Variants in CIROZ observed in about 807,000 individuals in gnomAD.
CIROZ encodes the protein ciliated left-right organizer protein containing ZP-N domains.
chr1:10,951,867 G>A, the CIROZ span, among the ~76,000 whole-genome samples: 1 of 151,082 alleles, frequency 6.6e-6, no homozygotes, highest in African/African-American at 2.4e-5. Context: ...TGTCCTATAG[G>A]TTCTAATTAC....
At chr1:10,980,289 C>T in the CIROZ span, among the ~76,000 whole-genome samples, 1 of 152,206 alleles carries the variant, frequency 6.6e-6, no homozygotes, top group African/African-American at 2.4e-5. Context: ...AGCCTGCAGC[C>T]TTTGAGCTGG....
the CIROZ span, chr1:10,949,091 G>GT: frequency 2.8e-6 from 1 of 353,246 alleles, no homozygotes; most frequent in South Asian, 9.4e-5. Context: ...AGGTGTGGTG[G>GT]CGTGGGCCTG....
chr1:10,949,423 G>A, the CIROZ span: 7 of 657,410 alleles, frequency 1.1e-5, no homozygotes, highest in East Asian at 1.7e-4. Context: ...GCCCTCAGGT[G>A]GGAGCTCTTG....
At chr1:10,947,249 C>T in the CIROZ span, among the ~76,000 whole-genome samples, 1 of 152,234 alleles carries the variant, frequency 6.6e-6, no homozygotes, top group African/African-American at 2.4e-5. Flanking sequence ...CTGCACCTCA[C>T]CCTGATGCTT....
chr1:10,965,500 G>T, the CIROZ span, among the ~76,000 whole-genome samples: 7,031 of 152,194 alleles, frequency 0.046, 282 homozygotes, highest in African/African-American at 0.11. Context: ...GAGGCGGGAG[G>T]ATGGCTTGAG....
chr1:10,976,366 C>A, the CIROZ span: 1 of 743,962 alleles, frequency 1.3e-6, no homozygotes, highest in South Asian at 1.8e-5. Context: ...GACGGAGTCT[C>A]GCTCCGTCAC....
chr1:10,966,434 C>T, the CIROZ span: 1 of 1,536,654 alleles, frequency 6.5e-7, no homozygotes, highest in South Asian at 1.2e-5. Flanking sequence ...CAGGAAGTAG[C>T]CACATTTAGC....
the CIROZ span, among the ~76,000 whole-genome samples, chr1:10,979,415 T>A: frequency 6.6e-6 from 1 of 151,970 alleles, no homozygotes; most frequent in Non-Finnish European, 1.5e-5. Context: ...CAGGAAATAA[T>A]CCTGAAGCCA....
At chr1:10,957,573 G>A in the CIROZ span, 2 of 1,608,820 alleles carry the variant, frequency 1.2e-6, no homozygotes, top group Non-Finnish European at 1.7e-6. Context: ...CTATGCCCCA[G>A]AGGCCCCTCA....
the CIROZ span, chr1:10,948,038 C>T: frequency 1.2e-6 from 2 of 1,613,364 alleles, no homozygotes; most frequent in Non-Finnish European, 1.7e-6. Flanking sequence ...GAAGAACTGC[C>T]AGGGGCGCTG....
chr1:10,948,713 T>C, the CIROZ span: 2 of 1,569,392 alleles, frequency 1.3e-6, no homozygotes. Context: ...GTGTGGGGTG[T>C]CCAGGGATCC....
chr1:10,972,233 G>A, the CIROZ span, among the ~76,000 whole-genome samples: 1 of 152,200 alleles, frequency 6.6e-6, no homozygotes, highest in Admixed American at 6.5e-5. Flanking sequence ...AGAGTTGATA[G>A]AGAGCTTAAG....
At chr1:10,970,533 G>T in the CIROZ span, among the ~76,000 whole-genome samples, 1 of 152,232 alleles carries the variant, frequency 6.6e-6, no homozygotes, top group East Asian at 1.9e-4. Context: ...GGAGGCTGAG[G>T]CAGGAGAATC....
the CIROZ span, chr1:10,948,226 C>G: frequency 6.2e-7 from 1 of 1,613,936 alleles, no homozygotes. Flanking sequence ...TGCCCCCTGG[C>G]CCCCTCCCTG....
At chr1:10,949,640 G>T in the CIROZ span, 11 of 1,604,898 alleles carry the variant, frequency 6.9e-6, no homozygotes, top group Admixed American at 1.9e-4. Context: ...CAGTGCGTCG[G>T]AAGGCCGGTG....
At chr1:10,980,560 CAGA>C in the CIROZ span, among the ~76,000 whole-genome samples, 4 of 152,214 alleles carry the variant, frequency 2.6e-5, no homozygotes, top group Non-Finnish European at 4.4e-5. Flanking sequence ...GAGACAGGAC[CAGA>C]AGAATAATCT....
the CIROZ span, chr1:10,957,025 G>T: frequency 6.4e-7 from 1 of 1,550,760 alleles, no homozygotes; most frequent in Non-Finnish European, 8.7e-7. Flanking sequence ...GGTCTTACCC[G>T]GTGGGCAAGC....
At chr1:10,947,043 C>T in the CIROZ span, among the ~76,000 whole-genome samples, 50 of 152,318 alleles carry the variant, frequency 3.3e-4, no homozygotes, top group South Asian at 4.1e-4. Context: ...GGATGTAGTC[C>T]GGCTCCACGC....
chr1:10,975,466 G>A, the CIROZ span, among the ~76,000 whole-genome samples: 12 of 148,882 alleles, frequency 8.1e-5, no homozygotes, highest in Non-Finnish European at 1.0e-4. Context: ...GTGCACACCT[G>A]TAGTCCCAGC....
Sources: gnomAD v4.1 joint callset for allele counts (sites outside exome capture counted in the v4.1 genomes callset) on GRCh38, gnomAD v4.1.1 for gene constraint, MANE v1.5 for transcripts, NCBI Gene and HGNC (gene_info 2026-07-23, HGNC 2026-07-21) for gene names.